Variants in PEX5L observed in about 807,000 individuals in gnomAD.
PEX5L encodes the protein PEX5-related protein.
A neutral mutation model predicts 84.0 loss-of-function variants in PEX5L; 30 were observed. The observed-to-expected ratio is 0.36, with a 90% CI of 0.27 to 0.48. The LOEUF is 0.48. Among genes scored for constraint, PEX5L ranks in the 20% least tolerant of loss-of-function variants. The pLI, the probability that PEX5L is intolerant of heterozygous loss-of-function variation, is 0.99. For missense variants in PEX5L, 533 were observed against 754.6 expected (o/e 0.71, Z 3.44); for synonymous variants, 270 against 283.1 (o/e 0.95, Z 0.46).
chr3:179,818,413 C>T (rs1164423660), intron 9 of PEX5L, among the ~76,000 whole-genome samples: 1 of 148,790 alleles, frequency 6.7e-6, no homozygotes, highest in Non-Finnish European at 1.5e-5. Context: ...ATATCATCAC[C>T]TCAAGCATGT....
intron 3 of PEX5L, among the ~76,000 whole-genome samples, chr3:179,891,789 C>T (rs950710449): frequency 2.0e-5 from 3 of 152,012 alleles, no homozygotes; most frequent in African/African-American, 7.2e-5. Flanking sequence ...TTTTTCCATC[C>T]CTTCCTCTTC....
chr3:179,949,993 C>T (rs1263434200), intron 2 of PEX5L, among the ~76,000 whole-genome samples: 1 of 152,178 alleles, frequency 6.6e-6, no homozygotes. Context: ...GAGCCTTCTT[C>T]CCCCACCATC....
rs1165664887 is a variant in PEX5L, at chr3:180,023,065, G to A, written c.21+13514C>T. On this transcript the variant is annotated intron_variant, in intron 1 of 14. Coordinates refer to ENST00000467460, the MANE Select transcript of PEX5L (RefSeq NM_016559.3). The stretch of plus-strand genomic sequence containing the variant: ...GTCATTTTGCAGCGGCTGAGGTACC[G>A]ACATGGAGATATGGCCTGAATTTGC... 2.0e-5 allele frequency among the ~76,000 whole-genome samples: 3 copies of A among 152,100 alleles called. No homozygotes were observed. The South Asian group carries it at 6.2e-4, about 32-fold the overall frequency.
rs1456577023 is a variant in PEX5L at position 179,795,560 on chromosome 3, T to TA, written c.*6267dup. ...GTATCACATAATATGCCAATCACTT[T>TA]AAAATCCCCTCCCCCCCATTGCCAT... On this transcript the variant is annotated 3_prime_UTR_variant, in exon 15 of 15. Coordinates refer to ENST00000467460, the MANE Select transcript of PEX5L (RefSeq NM_016559.3). 3 of 151,842 alleles carry TA rather than the reference T, an allele frequency of 2.0e-5. No individual in the cohort carries two copies. The highest frequency in any genetic ancestry group is 4.4e-5 in the Non-Finnish European group (3 of 68,032). 9.4% of individuals were successfully genotyped at this position (151,842 alleles called of 1,614,324 possible).
intron 8 of PEX5L, among the ~76,000 whole-genome samples, chr3:179,837,215 CA>C (rs1238742752): frequency 2.6e-5 from 4 of 152,160 alleles, no homozygotes; most frequent in African/African-American, 9.6e-5. Context: ...GTGAACAATT[CA>C]ATAGAAATTT....
chr3:179,902,408 T>C (rs910831355), intron 2 of PEX5L, among the ~76,000 whole-genome samples: 3 of 152,248 alleles, frequency 2.0e-5, no homozygotes, highest in Non-Finnish European at 4.4e-5. Flanking sequence ...CTTCTCACTA[T>C]AATCACATAG....
chr3:179,814,959 T>C (rs972252312), intron 10 of PEX5L, among the ~76,000 whole-genome samples: 3 of 152,150 alleles, frequency 2.0e-5, no homozygotes, highest in Non-Finnish European at 4.4e-5. Flanking sequence ...GACTCCCCTA[T>C]TGCCTTTAAT....
chr3:179,811,556 A>G lies in PEX5L; in HGVS notation c.1154+245T>C, dbSNP rs1723871634. On this transcript the variant is annotated intron_variant, in intron 11 of 14. Coordinates refer to ENST00000467460, the MANE Select transcript of PEX5L (RefSeq NM_016559.3). ...TGAGTCTACTTTATGACTGGGTTTA[A>G]CACAGGCTTTCTCTGGTGCCAGTGA... is the stretch of plus-strand genomic sequence containing the variant. 2.0e-5 allele frequency among the ~76,000 whole-genome samples: 3 copies of G among 152,210 alleles called. No homozygotes were observed. The South Asian group carries it at 6.2e-4, about 32-fold the overall frequency.
intron 2 of PEX5L, among the ~76,000 whole-genome samples, chr3:179,968,733 C>CTG (rs71629905): frequency 0.37 from 53,164 of 142,522 alleles, 9,810 homozygotes; most frequent in East Asian, 0.64. Flanking sequence ...CTGTGTGTGT[C>CTG]TGTGTGTCTG....
At chr3:179,976,571 G>A (rs1785816670) in intron 1 of PEX5L, among the ~76,000 whole-genome samples, 1 of 152,076 alleles carries the variant, frequency 6.6e-6, no homozygotes, top group South Asian at 2.1e-4. Flanking sequence ...CCTAGTAGCT[G>A]GGATTACAGG....
At chr3:179,933,363 C>T (rs139021635) in intron 2 of PEX5L, among the ~76,000 whole-genome samples, 12 of 152,294 alleles carry the variant, frequency 7.9e-5, no homozygotes, top group Non-Finnish European at 1.6e-4. Flanking sequence ...ACAGCACCAG[C>T]TCATGCTGCT....
intron 8 of PEX5L, among the ~76,000 whole-genome samples, chr3:179,829,513 G>C (rs1731822913): frequency 6.6e-6 from 1 of 152,060 alleles, no homozygotes; most frequent in Admixed American, 6.6e-5. Flanking sequence ...CCTTAAAATG[G>C]GAGTAACACT....
In PEX5L at chr3:179,810,091, G is replaced by A. The variant is rs576197152; in HGVS notation, c.1155-423C>T. ...TGCAGTGGTGTGATCTTGGCTCACTGCAACCTCTGCCACCTGGACTCAAGC... is the reference window on the plus strand; with the variant it reads ...TGCAGTGGTGTGATCTTGGCTCACTACAACCTCTGCCACCTGGACTCAAGC... On this transcript the variant is annotated intron_variant, in intron 11 of 14. Coordinates refer to ENST00000467460, the MANE Select transcript of PEX5L (RefSeq NM_016559.3). 2.2e-4 allele frequency among the ~76,000 whole-genome samples: 27 copies of A among 124,560 alleles called. No homozygotes were observed. The South Asian group carries it at 2.5e-3, about 11-fold the overall frequency. 81.7% of individuals were successfully genotyped at this position (124,560 alleles called of 152,430 possible). A position where few individuals can be genotyped will look rare whatever the true frequency, so the allele number is the denominator to read the frequency against.
At chr3:179,915,194 A>T (rs957037244) in intron 2 of PEX5L, among the ~76,000 whole-genome samples, 3 of 152,174 alleles carry the variant, frequency 2.0e-5, no homozygotes, top group African/African-American at 7.2e-5. Context: ...ATGATTTTTT[A>T]AAAATCCACA....
intron 2 of PEX5L, among the ~76,000 whole-genome samples, chr3:179,917,336 T>C (rs111584013): frequency 7.1e-4 from 107 of 151,244 alleles, no homozygotes; most frequent in Non-Finnish European, 1.3e-3. Flanking sequence ...CAGCTAACTT[T>C]TTTTTTTTTT....
At chr3:179,848,022 T>C (rs934357999) in intron 8 of PEX5L, among the ~76,000 whole-genome samples, 3 of 151,886 alleles carry the variant, frequency 2.0e-5, no homozygotes, top group Non-Finnish European at 2.9e-5. Flanking sequence ...GACTTGAATA[T>C]AGAACTAAAG....
chr3:179,848,045 C>A (rs763623958), intron 8 of PEX5L, among the ~76,000 whole-genome samples: 2 of 151,614 alleles, frequency 1.3e-5, no homozygotes, highest in South Asian at 4.2e-4. Flanking sequence ...CAAAACTATT[C>A]TAACCCCTGG....
chr3:179,934,866 T>C (rs1774161160), intron 2 of PEX5L, among the ~76,000 whole-genome samples: 1 of 152,156 alleles, frequency 6.6e-6, no homozygotes, highest in African/African-American at 2.4e-5. Context: ...CATTTTCTTT[T>C]TACTAGTTCA....
intron 1 of PEX5L, among the ~76,000 whole-genome samples, chr3:180,035,180 T>C (rs559928976): frequency 6.6e-6 from 1 of 152,304 alleles, no homozygotes; most frequent in African/African-American, 2.4e-5. Flanking sequence ...AAAAAACAGA[T>C]AATATATAAA....
Sources: gnomAD v4.1 joint callset for allele counts (sites outside exome capture counted in the v4.1 genomes callset) on GRCh38, gnomAD v4.1.1 for gene constraint, MANE v1.5 for transcripts, NCBI Gene and HGNC (gene_info 2026-07-23, HGNC 2026-07-21) for gene names.